Variants in CHST9 observed in about 807,000 individuals in gnomAD.
CHST9 encodes carbohydrate sulfotransferase 9.
In CHST9, 41 loss-of-function variants were observed where a neutral mutation model predicts 44.4. The ratio of observed to expected loss-of-function variants is 0.92; its 90% CI spans 0.72 to 1.20. The LOEUF (loss-of-function observed/expected upper bound fraction) is 1.20, where lower values mean the gene tolerates loss of function less well. Ranked by LOEUF, CHST9 falls within the 50% of genes most tolerant of loss-of-function variation. The pLI, the probability that CHST9 is intolerant of heterozygous loss-of-function variation, is 0.00. For synonymous variants in CHST9, 171 were observed against 178.4 expected (o/e 0.96, Z 0.33); for missense variants, 504 against 516.5 (o/e 0.98, Z 0.23).
rs11875556 is a variant in CHST9, at chr18:26,963,364, C to T, written c.203-18998G>A. Among the ~76,000 whole-genome samples the T allele has an allele frequency of 3.8e-3, 578 of 152,228 alleles. 3 individuals carry two copies. Among genetic ancestry groups the T allele is most frequent in the African/African-American group, 0.014 (563 of 41,520 alleles). The stretch of plus-strand genomic sequence containing the variant: ...TAAGCTTGGCAGGATCTCCAAACTC[C>T]TAAACTCTGTGTCCTGGTAAGTCAT... On this transcript the variant is annotated intron_variant, in intron 4 of 5. Transcript: ENST00000618847.
intron 2 of CHST9, among the ~76,000 whole-genome samples, chr18:27,119,605 C>T (rs1241076839): frequency 6.6e-6 from 1 of 150,558 alleles, no homozygotes; most frequent in Admixed American, 6.6e-5. Context: ...TATGTCTATA[C>T]TTAGGTTGCA....
intron 2 of CHST9, among the ~76,000 whole-genome samples, chr18:27,110,449 C>T (rs2058261273): frequency 1.3e-5 from 2 of 152,082 alleles, no homozygotes; most frequent in South Asian, 2.1e-4. Flanking sequence ...AAGTGCAGGC[C>T]CCAGGCTAGT....
intron 2 of CHST9, among the ~76,000 whole-genome samples, chr18:27,096,411 G>GA (rs891273548): frequency 1.2e-4 from 18 of 151,276 alleles, no homozygotes; most frequent in Non-Finnish European, 2.5e-4. Context: ...AAAGATAGCA[G>GA]AAAAAAAGAA....
chr18:27,127,058 T>C (rs897604779), intron 2 of CHST9, among the ~76,000 whole-genome samples: 1 of 152,106 alleles, frequency 6.6e-6, no homozygotes, highest in Non-Finnish European at 1.5e-5. Context: ...GGAGGAAGTA[T>C]AGACTTTGGA....
chr18:27,011,931 C>T (rs1255818335), intron 4 of CHST9, among the ~76,000 whole-genome samples: 1 of 152,188 alleles, frequency 6.6e-6, no homozygotes, highest in African/African-American at 2.4e-5. Context: ...CTTCTACTGT[C>T]AAGACCACCT....
At chr18:27,183,847 G>C (rs181024384) in intron 1 of CHST9, among the ~76,000 whole-genome samples, 35 of 152,148 alleles carry the variant, frequency 2.3e-4, no homozygotes, top group East Asian at 5.8e-4. Flanking sequence ...TCCTCACGTT[G>C]GTTGGCAGGC....
chr18:26,947,036 T>G (rs1838838931), intron 4 of CHST9, among the ~76,000 whole-genome samples: 1 of 152,134 alleles, frequency 6.6e-6, no homozygotes, highest in Admixed American at 6.5e-5. Flanking sequence ...TTAAAGTAGT[T>G]TTTTTCTAAT....
chr18:26,952,703 A>G lies in CHST9; in HGVS notation c.203-8337T>C, dbSNP rs143950059. The G allele has an allele frequency of 4.6e-3, 1,001 of 219,644 alleles. 9 individuals are homozygous for G. Among genetic ancestry groups the G allele is most frequent in the Non-Finnish European group, 4.4e-3 (491 of 111,344 alleles). The allele number at this position is 219,644 out of a possible 1,614,324, so 13.6% of individuals were successfully genotyped here. A position where few individuals can be genotyped will look rare whatever the true frequency, so the allele number is the denominator to read the frequency against. On this transcript the variant is annotated intron_variant, in intron 4 of 5. Coordinates refer to ENST00000618847, the MANE Select transcript of CHST9 (RefSeq NM_031422.6). ...CTTAAGAACTAAAAATGTAAGTTTA[A>G]TATCTTACAGTATAGTATATTCATT...
intron 2 of CHST9, among the ~76,000 whole-genome samples, chr18:27,075,142 TG>T (rs960398532): frequency 5.3e-5 from 8 of 149,668 alleles, no homozygotes; most frequent in Non-Finnish European, 1.0e-4. Context: ...GAGAGGGTTT[TG>T]GGGGTTGCTT....
rs1288504583 is a variant in CHST9 at position 26,911,980 on chromosome 18, GGGGA to G, written c.*4275_*4278del. On this transcript the variant is annotated 3_prime_UTR_variant, in exon 6 of 6. Coordinates refer to ENST00000618847, the MANE Select transcript of CHST9 (RefSeq NM_031422.6). Reference sequence around the variant, plus strand: ...ACTAGGGAAGGAGACTCAGGAAGAAGGGGATAATGCACAGTTGCTCTGTTTCTAG... The same window carrying G: ...ACTAGGGAAGGAGACTCAGGAAGAAGTAATGCACAGTTGCTCTGTTTCTAG... The G allele has an allele frequency of 6.6e-6, 1 of 152,164 alleles. No individual in the cohort carries two copies. The highest frequency in any genetic ancestry group is 2.4e-5 in the African/African-American group (1 of 41,424). The allele number at this position is 152,164 out of a possible 1,614,324, so 9.4% of individuals were successfully genotyped here.
intron 4 of CHST9, among the ~76,000 whole-genome samples, chr18:26,981,743 C>A (rs547105312): frequency 1.4e-4 from 21 of 152,304 alleles, no homozygotes; most frequent in African/African-American, 4.8e-4. Flanking sequence ...GGAGGCCTGA[C>A]AATTTAATTA....
intron 2 of CHST9, among the ~76,000 whole-genome samples, chr18:27,066,457 T>C (rs2057783291): frequency 6.6e-6 from 1 of 152,206 alleles, no homozygotes; most frequent in South Asian, 2.1e-4. Flanking sequence ...ATGATTCTGT[T>C]TTTTAAATTT....
chr18:27,081,608 G>A (rs916473238), intron 2 of CHST9, among the ~76,000 whole-genome samples: 5 of 152,134 alleles, frequency 3.3e-5, no homozygotes, highest in African/African-American at 1.2e-4. Context: ...TTTCCTGGGT[G>A]TTGAACTCAC....
chr18:26,916,835 C>A lies in CHST9; in HGVS notation c.756G>T (p.Gly252=), dbSNP rs1676477376. 5.0e-6 allele frequency: 8 copies of A among 1,613,868 alleles called. No homozygotes were observed. Among genetic ancestry groups the A allele is most frequent in the Non-Finnish European group, 6.8e-6 (8 of 1,179,848 alleles). The change falls in exon 6 of 6, where the codon GGG becomes GGT. Residue 252 remains glycine, a synonymous_variant. Coordinates refer to ENST00000618847, the MANE Select transcript of CHST9 (RefSeq NM_031422.6). ...AGCTATCTAGCTTCTTCAAATGCTT[C>A]CCGTAGTGGACAGCATTGTGGGAGA... is the stretch of plus-strand genomic sequence containing the variant. ...YNISHNAVHY[G]KHLKKLDSFD...
intron 5 of CHST9, among the ~76,000 whole-genome samples, chr18:26,939,709 C>A (rs917506969): frequency 1.3e-5 from 2 of 152,160 alleles, no homozygotes; most frequent in African/African-American, 4.8e-5. Flanking sequence ...GCACTAGAGG[C>A]CTGATTCATT....
At chr18:27,140,178 C>T (rs992343078) in intron 2 of CHST9, among the ~76,000 whole-genome samples, 4 of 152,152 alleles carry the variant, frequency 2.6e-5, no homozygotes, top group African/African-American at 9.7e-5. Flanking sequence ...GAGGCGTGGA[C>T]CTCGTAGCAG....
intron 2 of CHST9, among the ~76,000 whole-genome samples, chr18:27,062,112 CTATCTAATAAAACATTCCTCTTCAAACT>C (rs2057729341): frequency 6.6e-6 from 1 of 152,100 alleles, no homozygotes; most frequent in Non-Finnish European, 1.5e-5. Flanking sequence ...AGCGTTCCTC[CTATCTAATAAAACATTCCTCTTCAAACT>C]TATACTGTTG....
Position 26,920,437 on chromosome 18 carries a change from T to G in CHST9, c.241-3087A>C, listed in dbSNP as rs138301803. 1.3e-5 allele frequency among the ~76,000 whole-genome samples: 2 copies of G among 152,314 alleles called. 1 individual carries two copies. Among genetic ancestry groups the G allele is most frequent in the East Asian group, 3.9e-4 (2 of 5,190 alleles). On this transcript the variant is annotated intron_variant, in intron 5 of 5. Coordinates refer to ENST00000618847, the MANE Select transcript of CHST9 (RefSeq NM_031422.6). ...AAAATATTTCCTGCAGAACCCTGCT[T>G]ATTTTTCTCATAGCACTAATCACAC... is the stretch of plus-strand genomic sequence containing the variant.
chr18:27,082,370 T>C (rs1401863409), intron 2 of CHST9, among the ~76,000 whole-genome samples: 1 of 152,192 alleles, frequency 6.6e-6, no homozygotes, highest in Non-Finnish European at 1.5e-5. Context: ...CAATGTTATA[T>C]GGAAAAACAT....
Sources: gnomAD v4.1 joint callset for allele counts (sites outside exome capture counted in the v4.1 genomes callset) on GRCh38, gnomAD v4.1.1 for gene constraint, MANE v1.5 for transcripts, NCBI Gene and HGNC (gene_info 2026-07-23, HGNC 2026-07-21) for gene names.